The following BAZ2B variants were observed in gnomAD, a reference collection of about 807,000 sequenced individuals.
BAZ2B encodes bromodomain adjacent to zinc finger domain 2B, also known as bromodomain adjacent to zinc finger domain protein 2B.
BAZ2B carries 91 observed loss-of-function variants against 246.0 expected under a neutral mutation model. The ratio of observed to expected loss-of-function variants is 0.37; its 90% CI spans 0.31 to 0.44. BAZ2B has a LOEUF of 0.44. Among genes scored for constraint, BAZ2B ranks in the 20% least tolerant of loss-of-function variants. BAZ2B has a pLI of 1.00. For missense variants in BAZ2B, 2,332 were observed against 2,533.7 expected, an observed-to-expected ratio of 0.92 and a Z score of 1.71; for synonymous variants, 855 against 860.0, an observed-to-expected ratio of 0.99 and a Z score of 0.10.
chr2:159,454,161 A>G (rs1252137570), intron 3 of BAZ2B, among the ~76,000 whole-genome samples: 1 of 152,134 alleles, frequency 6.6e-6, no homozygotes, highest in East Asian at 1.9e-4. Flanking sequence ...TAAGAAGGGA[A>G]ATAAAAAACA....
intron 3 of BAZ2B, chr2:159,462,239 C>T (rs560421343): frequency 2.0e-5 from 11 of 547,854 alleles, no homozygotes; most frequent in Non-Finnish European, 3.3e-5. Flanking sequence ...TCAGACAATG[C>T]TATAGGTTCA....
At chr2:159,324,718 C>T in intron 36 of BAZ2B, 93 bp downstream of exon 36, 2 of 779,980 alleles carry the variant, frequency 2.6e-6, no homozygotes, top group Non-Finnish European at 3.7e-6. Context: ...CTATATCTTG[C>T]TGTTAATTAA....
intron 27 of BAZ2B, among the ~76,000 whole-genome samples, 198 bp from the exon 28 acceptor site, chr2:159,350,555 T>A (rs947534820): frequency 3.3e-5 from 5 of 151,390 alleles, no homozygotes; most frequent in Admixed American, 6.6e-5. Context: ...ATATATATAT[T>A]TTGTTTGTTG....
chr2:159,634,880 C>T, the BAZ2B span, among the ~76,000 whole-genome samples: 1 of 152,172 alleles, frequency 6.6e-6, no homozygotes, highest in Non-Finnish European at 1.5e-5. Context: ...AAACTTCTCT[C>T]TTTTTCCCTC....
At chr2:159,642,650 A>C in the BAZ2B span, among the ~76,000 whole-genome samples, 1 of 152,242 alleles carries the variant, frequency 6.6e-6, no homozygotes, top group Non-Finnish European at 1.5e-5. Context: ...TAGAAAAATG[A>C]AAAAAGATTA....
At chr2:159,330,647 C>A (rs2064578547) in intron 34 of BAZ2B, among the ~76,000 whole-genome samples, 1 of 151,706 alleles carries the variant, frequency 6.6e-6, no homozygotes, top group Non-Finnish European at 1.5e-5. Flanking sequence ...TCAGCTGAGC[C>A]CAGGAGTTTG....
At chr2:159,513,615 C>G (rs1374581081) in intron 2 of BAZ2B, among the ~76,000 whole-genome samples, 1 of 152,114 alleles carries the variant, frequency 6.6e-6, no homozygotes, top group Non-Finnish European at 1.5e-5. Context: ...CATCTTTTCT[C>G]CTCTTTCCTT....
chr2:159,450,570 T>A (rs1192020876), intron 4 of BAZ2B, among the ~76,000 whole-genome samples: 1 of 152,160 alleles, frequency 6.6e-6, no homozygotes, highest in African/African-American at 2.4e-5. Flanking sequence ...AGGAAATAAT[T>A]TTTGTTAAGT....
At chr2:159,323,794 A>ACT (rs1430521535) in intron 36 of BAZ2B, among the ~76,000 whole-genome samples, 1 of 135,604 alleles carries the variant, frequency 7.4e-6, no homozygotes, top group African/African-American at 2.6e-5. Context: ...CAAAAGTGAA[A>ACT]CTCTCTCAAA....
At chr2:159,417,441 G>C (rs2067945469) in intron 13 of BAZ2B, among the ~76,000 whole-genome samples, 1 of 152,068 alleles carries the variant, frequency 6.6e-6, no homozygotes, top group Non-Finnish European at 1.5e-5. Context: ...AAAGTGTTTG[G>C]ATTACATGCG....
At chr2:159,380,632 C>G (rs2061890186) in intron 25 of BAZ2B, among the ~76,000 whole-genome samples, 1 of 152,140 alleles carries the variant, frequency 6.6e-6, no homozygotes, top group Non-Finnish European at 1.5e-5. Flanking sequence ...TAATATGGAC[C>G]TGAACTATTT....
chr2:159,607,611 T>C (rs893695912), intron 1 of BAZ2B, among the ~76,000 whole-genome samples: 3 of 152,126 alleles, frequency 2.0e-5, no homozygotes, highest in Admixed American at 6.6e-5. Flanking sequence ...GGAAGAGGTA[T>C]GGGTTGGGGT....
At chr2:159,597,606 G>A (rs933623785) in intron 1 of BAZ2B, among the ~76,000 whole-genome samples, 3 of 152,012 alleles carry the variant, frequency 2.0e-5, no homozygotes, top group African/African-American at 4.8e-5. Context: ...AGCTCACTGC[G>A]ACCTTCGCCT....
At chr2:159,440,580 G>A (rs147362815) in intron 6 of BAZ2B, among the ~76,000 whole-genome samples, 2,204 of 147,586 alleles carry the variant, frequency 0.015, 23 homozygotes, top group Middle Eastern at 0.032. Flanking sequence ...ACAGTGGCAC[G>A]ACCTCAGCTC....
chr2:159,618,536 T>C (rs1057365366), upstream of BAZ2B, among the ~76,000 whole-genome samples: 3 of 152,128 alleles, frequency 2.0e-5, no homozygotes, highest in Admixed American at 1.3e-4. Context: ...GCACTTAGTA[T>C]CTAAGACTTC....
intron 17 of BAZ2B, among the ~76,000 whole-genome samples, chr2:159,400,169 G>C (rs1179872784): frequency 1.3e-5 from 2 of 152,128 alleles, no homozygotes; most frequent in Non-Finnish European, 2.9e-5. Flanking sequence ...AGAGGGATAT[G>C]CTAGAAACCA....
At chr2:159,470,102 T>G (rs2077589238) in intron 3 of BAZ2B, among the ~76,000 whole-genome samples, 2 of 152,230 alleles carry the variant, frequency 1.3e-5, no homozygotes, top group African/African-American at 4.8e-5. Context: ...CATAACCAAG[T>G]GGGATTAATC....
intron 13 of BAZ2B, among the ~76,000 whole-genome samples, chr2:159,415,856 T>C (rs1047974478): frequency 4.6e-5 from 7 of 152,236 alleles, no homozygotes; most frequent in African/African-American, 1.7e-4. Context: ...CTAAGTATTG[T>C]GCTTTGTTCC....
chr2:159,606,670 G>A (rs548691481), intron 1 of BAZ2B, among the ~76,000 whole-genome samples: 27 of 152,050 alleles, frequency 1.8e-4, no homozygotes, highest in Non-Finnish European at 3.7e-4. Context: ...TTACATAAAA[G>A]TTTTAAGGTT....
Sources: allele counts gnomAD v4.1 joint callset (sites outside exome capture counted in the v4.1 genomes callset), GRCh38; gene constraint gnomAD v4.1.1; transcripts MANE v1.5; gene names NCBI Gene and HGNC (gene_info 2026-07-23, HGNC 2026-07-21).